Variants in GGTA1 observed in about 807,000 individuals in gnomAD.
GGTA1 encodes the protein glycoprotein alpha-galactosyltransferase 1 (inactive).
GGTA1 carries 5 observed loss-of-function variants against 2.6 expected under a neutral mutation model. The observed-to-expected ratio is 1.92, with a 90% CI of 1.00 to 4.04. The LOEUF (loss-of-function observed/expected upper bound fraction) is 4.04. Ranked by LOEUF, GGTA1 falls within the 30% of genes most tolerant of loss-of-function variation. The probability of loss-of-function intolerance (pLI) is 0.00; values close to 1 mark genes in which losing one functional copy is unlikely to be tolerated. For synonymous variants in GGTA1, 17 were observed against 5.0 expected (o/e 3.38, Z -3.19); for missense variants, 50 against 16.7 (o/e 2.99, Z -3.47).
intron 1 of GGTA1, among the ~76,000 whole-genome samples, chr9:121,496,790 G>C (rs1054788780): frequency 1.3e-5 from 2 of 149,362 alleles, no homozygotes; most frequent in Non-Finnish European, 3.0e-5. Flanking sequence ...GAACCTAGGG[G>C]GCAGAGATTG....
chr9:121,462,476 TA>T (rs1394896146), intron 3 of GGTA1, among the ~76,000 whole-genome samples: 1 of 152,152 alleles, frequency 6.6e-6, no homozygotes, highest in African/African-American at 2.4e-5. Flanking sequence ...TAAAGCCTAT[TA>T]ACTCTTGGAA....
chr9:121,495,411 G>T (rs1828971470), intron 1 of GGTA1, among the ~76,000 whole-genome samples: 1 of 152,128 alleles, frequency 6.6e-6, no homozygotes, highest in Admixed American at 6.5e-5. Context: ...GCTGGGCGTG[G>T]TGGTGGATGC....
rs186824754 is a variant in GGTA1, at chr9:121,489,568, A to G, written c.-10+10082T>C. ...ACTATACATCAATGTGCTACTGTGC[A>G]CCTACTCCCAGCTCCTCAAGTGGTG... On this transcript the variant is annotated intron_variant, in intron 1 of 5. Transcript: ENST00000481799. Among the ~76,000 whole-genome samples, 287 of 152,324 alleles carry G rather than the reference A, an allele frequency of 1.9e-3. 1 individual carries two copies. The highest frequency in any genetic ancestry group is 6.8e-3 in the Middle Eastern group (2 of 294).
At chr9:121,492,686 C>T (rs1255704822) in intron 1 of GGTA1, among the ~76,000 whole-genome samples, 1 of 151,698 alleles carries the variant, frequency 6.6e-6, no homozygotes, top group Non-Finnish European at 1.5e-5. Flanking sequence ...GTTGGTCAGG[C>T]TGGTCTTGAA....
chr9:121,483,194 C>T (rs1828690663), intron 1 of GGTA1, among the ~76,000 whole-genome samples: 1 of 152,120 alleles, frequency 6.6e-6, no homozygotes, highest in Admixed American at 6.6e-5. Flanking sequence ...CAGGGCCCTT[C>T]ACTATTTTCA....
chr9:121,477,323 G>T (rs966009350), intron 1 of GGTA1, among the ~76,000 whole-genome samples: 1 of 152,202 alleles, frequency 6.6e-6, no homozygotes, highest in Admixed American at 6.5e-5. Flanking sequence ...TCTTTTATTG[G>T]AAATGATTCT....
At chr9:121,491,627 T>G (rs1828871786) in intron 1 of GGTA1, among the ~76,000 whole-genome samples, 1 of 152,088 alleles carries the variant, frequency 6.6e-6, no homozygotes, top group Non-Finnish European at 1.5e-5. Flanking sequence ...TTTCTTTTTT[T>G]GAGATGGCGT....
intron 2 of GGTA1, among the ~76,000 whole-genome samples, chr9:121,466,242 T>C (rs1407046825): frequency 6.6e-6 from 1 of 152,106 alleles, no homozygotes. Context: ...TTTTTAAAGA[T>C]AGGGAAACTA....
chr9:121,477,458 G>A (rs1351118692), intron 1 of GGTA1, among the ~76,000 whole-genome samples: 2 of 149,734 alleles, frequency 1.3e-5, no homozygotes, highest in Non-Finnish European at 3.0e-5. Flanking sequence ...TTATGTCGTT[G>A]TTTTCTGGAT....
intron 1 of GGTA1, among the ~76,000 whole-genome samples, chr9:121,481,983 C>T (rs562511326): frequency 6.7e-6 from 1 of 149,326 alleles, no homozygotes; most frequent in Non-Finnish European, 1.5e-5. Context: ...GCAACAAAAG[C>T]GGAACTCTGT....
chr9:121,498,715 A>G (rs1410322236), intron 1 of GGTA1, among the ~76,000 whole-genome samples: 2 of 152,018 alleles, frequency 1.3e-5, no homozygotes, highest in African/African-American at 2.4e-5. Flanking sequence ...GCAAAGGAAG[A>G]GCAAAGCCTC....
rs146652730 is a variant in GGTA1 at position 121,460,128 on chromosome 9, C to G, written c.274G>C (p.Gly92Arg). The G allele has an allele frequency of 4.4e-6, 2 of 456,678 alleles. No individual in the cohort carries two copies. Among genetic ancestry groups the G allele is most frequent in the African/African-American group, 2.0e-5 (1 of 50,068 alleles). 28.3% of individuals were successfully genotyped at this position (456,678 alleles called of 1,614,324 possible). A position where few individuals can be genotyped will look rare whatever the true frequency, so the allele number is the denominator to read the frequency against. The change falls in exon 5 of 6, where the codon GGC becomes CGC. Residue 92 changes from glycine to arginine, a missense_variant. Transcript: ENST00000481799. ...CTTTGGATTAAACCAGTCCCATAGC[C>G]GAAGCTCTGTTGTGTCATTTTCCTT... ...KGRKMTQQSF[G>R]YGTGLIQT
chr9:121,487,206 C>T (rs1017036334), intron 1 of GGTA1, among the ~76,000 whole-genome samples: 12 of 152,096 alleles, frequency 7.9e-5, no homozygotes, highest in African/African-American at 2.9e-4. Flanking sequence ...TCAGAGAGGA[C>T]AGCAGTGAGA....
At chr9:121,493,438 TCA>T (rs746632931) in intron 1 of GGTA1, among the ~76,000 whole-genome samples, 2 of 152,128 alleles carry the variant, frequency 1.3e-5, no homozygotes, top group Non-Finnish European at 2.9e-5. Context: ...ACTCTAAGCC[TCA>T]GTTTCCCCAC....
At position 121,460,177 on chromosome 9, in the gene GGTA1, T is replaced by C. The variant is rs1476021108; in HGVS notation, c.225A>G (p.Glu75=). The C allele has an allele frequency of 4.4e-6, 2 of 456,994 alleles. No individual in the cohort carries two copies. The highest frequency in any genetic ancestry group is 2.3e-5 in the Admixed American group (1 of 42,564). 28.3% of individuals were successfully genotyped at this position (456,994 alleles called of 1,614,324 possible). A position where few individuals can be genotyped will look rare whatever the true frequency, so the allele number is the denominator to read the frequency against. Reference sequence around the variant, plus strand: ...TTCCTTTGGTCTCCTCTCTTCCTTTTTCTTTGTCTATGTCTTCTTCCCCTT... The same window carrying C: ...TTCCTTTGGTCTCCTCTCTTCCTTTCTCTTTGTCTATGTCTTCTTCCCCTT... ...YQQGEEDIDK[E]KGREETKGRK... Residue 75 remains glutamate (E), a synonymous_variant, in exon 5 of 6, where the codon GAA becomes GAG. Coordinates refer to ENST00000481799, the MANE Select transcript of GGTA1 (RefSeq NM_001382585.1).
chr9:121,475,149 A>C (rs537935102), intron 1 of GGTA1, among the ~76,000 whole-genome samples: 1 of 152,294 alleles, frequency 6.6e-6, no homozygotes, highest in East Asian at 1.9e-4. Flanking sequence ...CTGGTAAAAC[A>C]GTTTGCGGTA....
downstream of GGTA1, among the ~76,000 whole-genome samples, chr9:121,450,183 T>G (rs901941352): frequency 2.0e-5 from 3 of 152,222 alleles, no homozygotes; most frequent in Non-Finnish European, 4.4e-5. Flanking sequence ...ATAGTATTGA[T>G]TCTTTAAATG....
chr9:121,453,254 C>T (rs1035340407), downstream of GGTA1, among the ~76,000 whole-genome samples: 5 of 152,202 alleles, frequency 3.3e-5, no homozygotes, highest in Non-Finnish European at 7.4e-5. Flanking sequence ...AGGGCTCTGG[C>T]AAGGACCTTC....
At chr9:121,449,778 T>G (rs1362292186) in intron 7 of GGTA1, among the ~76,000 whole-genome samples, 1 of 137,408 alleles carries the variant, frequency 7.3e-6, no homozygotes, top group Non-Finnish European at 1.5e-5. Flanking sequence ...AGGCAGAAGT[T>G]GCAGTGAGCT....
Sources: allele counts gnomAD v4.1 joint callset (sites outside exome capture counted in the v4.1 genomes callset), GRCh38; gene constraint gnomAD v4.1.1; transcripts MANE v1.5; gene names NCBI Gene and HGNC (gene_info 2026-07-23, HGNC 2026-07-21).